The following SSH1 variants were observed in gnomAD, a reference collection of about 807,000 sequenced individuals.
The protein encoded by SSH1 is protein phosphatase Slingshot homolog 1.
In SSH1, 43 loss-of-function variants were observed where a neutral mutation model predicts 79.7. The observed-to-expected ratio is 0.54, with a 90% confidence interval of 0.42 to 0.70. The LOEUF is 0.70. Ranked by LOEUF, SSH1 falls within the 30% of genes least tolerant of loss-of-function variation. The pLI, the probability that SSH1 is intolerant of heterozygous loss-of-function variation, is 0.00. For missense variants in SSH1, 1,206 were observed against 1,358.8 expected, an observed-to-expected ratio of 0.89 and a Z score of 1.77; for synonymous variants, 599 against 538.3, an observed-to-expected ratio of 1.11 and a Z score of -1.56.
intron 6 of SSH1, among the ~76,000 whole-genome samples, chr12:108,810,796 T>C (rs932703223): frequency 5.3e-5 from 8 of 152,228 alleles, no homozygotes; most frequent in Non-Finnish European, 8.8e-5. Context: ...CGGGTGGAAC[T>C]GGTTCATTCC....
In SSH1 at chr12:108,818,048, A is replaced by T. The variant is rs191835631; in HGVS notation, c.279+201T>A. ...GACCCCATATCCACAAAATTTTTTT[A>T]AAAATAAGGCAGGGTGGTACACACT... is the stretch of plus-strand genomic sequence containing the variant. On this transcript the variant is annotated intron_variant, in intron 4 of 14. Coordinates refer to ENST00000326495, the MANE Select transcript of SSH1 (RefSeq NM_018984.4). Among the ~76,000 whole-genome samples the T allele has an allele frequency of 1.2e-3, 185 of 152,198 alleles. No homozygotes were observed. The East Asian group carries it at 0.018, about 14-fold the overall frequency.
At chr12:108,827,291 A>G in intron 2 of SSH1, 1 of 1,551,496 alleles carries the variant, frequency 6.4e-7, no homozygotes, top group Non-Finnish European at 8.7e-7. Flanking sequence ...TCTGGACAGC[A>G]GAAGCAGTGG....
At chr12:108,823,447 G>C (rs968161981) in intron 2 of SSH1, 86 bp from the exon 3 acceptor site, 6 of 1,115,192 alleles carry the variant, frequency 5.4e-6, no homozygotes, top group Non-Finnish European at 8.0e-6. Flanking sequence ...AAAAGCTTTA[G>C]CGTGGACAAA....
intron 5 of SSH1, among the ~76,000 whole-genome samples, chr12:108,814,844 G>C (rs1390687004): frequency 6.6e-6 from 1 of 152,242 alleles, no homozygotes; most frequent in East Asian, 1.9e-4. Context: ...AGGAGAGGGT[G>C]GGAAGGAAGA....
intron 5 of SSH1, among the ~76,000 whole-genome samples, chr12:108,813,626 A>G (rs2037731583): frequency 6.7e-6 from 1 of 150,148 alleles, no homozygotes; most frequent in Non-Finnish European, 1.5e-5. Flanking sequence ...GGTAGGAGAA[A>G]TGATTGATTC....
chr12:108,808,191 G>A (rs2037385266), intron 7 of SSH1, among the ~76,000 whole-genome samples: 1 of 152,198 alleles, frequency 6.6e-6, no homozygotes, highest in Non-Finnish European at 1.5e-5. Context: ...GCCCGCCTCG[G>A]CCTCCCAAAG....
intron 2 of SSH1, chr12:108,827,346 C>G (rs763795789): frequency 6.5e-7 from 1 of 1,549,570 alleles, no homozygotes; most frequent in African/African-American, 1.4e-5. Context: ...AAAAGAGGTT[C>G]GTGGCTGCAG....
rs760622146 is a variant in SSH1, at chr12:108,788,535, A to T, written c.2603T>A (p.Leu868Gln). The T allele has an allele frequency of 1.3e-5, 20 of 1,569,412 alleles. No homozygotes were observed. The highest frequency in any genetic ancestry group is 2.7e-5 in the African/African-American group (2 of 73,616). ...CTGGCTGGGCATAACCAGGGGGCCC[A>T]GCTCGTGGAGCGCGGCTGGATCCTG... ...ESQDPAALHE[L>Q]GPLVMPSQAG... The change falls in exon 15 of 15, where the codon CTG becomes CAG. Residue 868 changes from leucine (L) to glutamine (Q), a missense_variant. By Grantham distance (113) the Leu-to-Gln change is moderately radical. This residue lies in a region of SSH1 where 709 missense variants were observed against 730.6 expected (regional missense o/e 0.97). Transcript: ENST00000326495.
chr12:108,792,783 GGCT>G lies in SSH1; in HGVS notation c.1393_1395del (p.Ser465del), dbSNP rs1565971328. 1 of 1,613,976 alleles carries G rather than the reference GGCT, an allele frequency of 6.2e-7. No individual in the cohort carries two copies. The highest frequency in any genetic ancestry group is 1.1e-5 in the South Asian group (1 of 91,090). ...GCAGGGTCATCCACAGGCTGCTGGA[GGCT>G]GCTGTCTGTCTGCTGACGCCACAGC... On this transcript the variant is annotated inframe_deletion, in exon 14 of 15. Coordinates refer to ENST00000326495, the MANE Select transcript of SSH1 (RefSeq NM_018984.4).
intron 2 of SSH1, among the ~76,000 whole-genome samples, chr12:108,839,772 C>G (rs951449437): frequency 6.6e-6 from 1 of 152,174 alleles, no homozygotes; most frequent in African/African-American, 2.4e-5. Context: ...GAGGAACTTG[C>G]AGGAAAACAG....
Position 108,783,997 on chromosome 12 carries a change from C to G in SSH1, c.*3991G>C, listed in dbSNP as rs1354282411. The G allele has an allele frequency of 6.6e-6, 1 of 152,108 alleles. No homozygotes were observed. The highest frequency in any genetic ancestry group is 1.5e-5 in the Non-Finnish European group (1 of 68,058). 9.4% of individuals were successfully genotyped at this position (152,108 alleles called of 1,614,324 possible). On this transcript the variant is annotated 3_prime_UTR_variant, in exon 15 of 15. Coordinates refer to ENST00000326495, the MANE Select transcript of SSH1 (RefSeq NM_018984.4). ...CGCTGAGTTGCGTGTTTAGAGGAGCCCTGCTAGGTGGCCAGCCAATGAGAA... is the reference window on the plus strand; with the variant it reads ...CGCTGAGTTGCGTGTTTAGAGGAGCGCTGCTAGGTGGCCAGCCAATGAGAA...
rs968212743 is a variant in SSH1 at position 108,781,244 on chromosome 12, C to T, written c.*6744G>A. On this transcript the variant is annotated 3_prime_UTR_variant, in exon 15 of 15. Transcript: ENST00000326495. ...GACCAGTCTGGGCAACATAGTGAGA[C>T]CCTATCTTTTAAATAAATAAATAAA... 4.6e-5 allele frequency: 7 copies of T among 151,760 alleles called. No homozygotes were observed. The highest frequency in any genetic ancestry group is 1.2e-4 in the African/African-American group (5 of 41,278). 9.4% of individuals were successfully genotyped at this position (151,760 alleles called of 1,614,324 possible).
intron 5 of SSH1, among the ~76,000 whole-genome samples, chr12:108,812,311 G>A (rs2037652378): frequency 1.3e-5 from 2 of 152,240 alleles, no homozygotes; most frequent in South Asian, 2.1e-4. Context: ...GGACCACGTG[G>A]CTGTGTCAGC....
rs150761148 is a variant in SSH1 at position 108,823,403 on chromosome 12, G to T, written c.111-42C>A. 1.7e-4 allele frequency: 249 copies of T among 1,504,574 alleles called. No homozygotes were observed. The East Asian group carries it at 5.8e-3, about 35-fold the overall frequency. 93.2% of individuals were successfully genotyped at this position (1,504,574 alleles called of 1,614,324 possible). On this transcript the variant is annotated intron_variant, in intron 2 of 14. Coordinates refer to ENST00000326495, the MANE Select transcript of SSH1 (RefSeq NM_018984.4). ...CAGAGCACAGTTAGACCGGAATTCA[G>T]ACAGGAAAATGGACAAAGAATTACT... is the stretch of plus-strand genomic sequence containing the variant.
At chr12:108,798,316 C>CCTGACCTCAGTGTTTTAAA (rs1210566248) in intron 13 of SSH1, among the ~76,000 whole-genome samples, 71 of 152,360 alleles carry the variant, frequency 4.7e-4, no homozygotes, top group African/African-American at 1.5e-3. Flanking sequence ...GTGTGGGCCA[C>CCTGACCTCAGTGTTTTAAA]CACACCTGAC....
intron 10 of SSH1, among the ~76,000 whole-genome samples, chr12:108,803,805 A>G (rs1380503995): frequency 6.6e-6 from 1 of 152,208 alleles, no homozygotes; most frequent in Non-Finnish European, 1.5e-5. Flanking sequence ...TCAAATCCAC[A>G]CATGTACATA....
At position 108,783,376 on chromosome 12, in the gene SSH1, AT is replaced by A. The variant is rs2036182813; in HGVS notation, c.*4611del. On this transcript the variant is annotated 3_prime_UTR_variant, in exon 15 of 15. Coordinates refer to ENST00000326495, the MANE Select transcript of SSH1 (RefSeq NM_018984.4). ...AAGACCAAGTATCCAATCATAACAGATGAGACTTTAACAGTTTTGCATAAAT... is the reference window on the plus strand; with the variant it reads ...AAGACCAAGTATCCAATCATAACAGAGAGACTTTAACAGTTTTGCATAAAT... 6.6e-6 allele frequency: 1 copy of A among 152,298 alleles called. No homozygotes were observed. The highest frequency in any genetic ancestry group is 1.5e-5 in the Non-Finnish European group (1 of 68,058). The allele number at this position is 152,298 out of a possible 1,614,324, so 9.4% of individuals were successfully genotyped here. A position where few individuals can be genotyped will look rare whatever the true frequency, so the allele number is the denominator to read the frequency against.
At position 108,789,013 on chromosome 12, in the gene SSH1, T is replaced by C. The variant is rs1358512326; in HGVS notation, c.2125A>G (p.Thr709Ala). The change falls in exon 15 of 15, where the codon ACC becomes GCC. Residue 709 changes from threonine to alanine, a missense_variant. Thr to Ala is a moderately conservative substitution (Grantham distance 58, BLOSUM62 0). This residue lies in a region of SSH1 where 709 missense variants were observed against 730.6 expected (regional missense o/e 0.97). Transcript: ENST00000326495. ...RVPEKPASGP[T>A]EPPPFLPPAG... Reference sequence around the variant, plus strand: ...GGTGGTAGGAACGGGGGAGGTTCGGTTGGGCCAGAGGCTGGCTTCTCCGGA... The same window carrying C: ...GGTGGTAGGAACGGGGGAGGTTCGGCTGGGCCAGAGGCTGGCTTCTCCGGA... 1.2e-6 allele frequency: 2 copies of C among 1,608,648 alleles called. No homozygotes were observed. The highest frequency in any genetic ancestry group is 1.7e-6 in the Non-Finnish European group (2 of 1,176,574).
rs2036389015 is a variant in SSH1 at position 108,789,025 on chromosome 12, C to G, written c.2113G>C (p.Ala705Pro). ...ASRSRVPEKP[A>P]SGPTEPPPFL... Reference sequence around the variant, plus strand: ...GGGGGAGGTTCGGTTGGGCCAGAGGCTGGCTTCTCCGGAACACGGGACCTG... The same window carrying G: ...GGGGGAGGTTCGGTTGGGCCAGAGGGTGGCTTCTCCGGAACACGGGACCTG... Residue 705 changes from alanine (A) to proline (P), a missense_variant, in exon 15 of 15, where the codon GCC (alanine) becomes CCC (proline). Ala to Pro is a conservative substitution (Grantham distance 27). Coordinates refer to ENST00000326495, the MANE Select transcript of SSH1 (RefSeq NM_018984.4). The G allele has an allele frequency of 6.2e-7, 1 of 1,608,472 alleles. No homozygotes were observed. Among genetic ancestry groups the G allele is most frequent in the South Asian group, 1.1e-5 (1 of 90,798 alleles).
Sources: gnomAD v4.1 joint callset for allele counts (sites outside exome capture counted in the v4.1 genomes callset) on GRCh38, gnomAD v4.1.1 for gene constraint, gnomAD v4.1.1 regional missense constraint, MANE v1.5 for transcripts, NCBI Gene and HGNC (gene_info 2026-07-23, HGNC 2026-07-21) for gene names.